The following AK4 variants were observed in gnomAD, a reference collection of about 807,000 sequenced individuals.
AK4 encodes the protein adenylate kinase 4, mitochondrial.
In AK4, 13 loss-of-function variants were observed where a neutral mutation model predicts 24.6. That is an observed-to-expected ratio of 0.53 (90% confidence interval 0.34 to 0.84). The LOEUF (loss-of-function observed/expected upper bound fraction) is 0.84. AK4 is among the 40% of genes least tolerant of loss of function. The pLI is 0.01. For missense variants in AK4, 192 were observed against 288.2 expected (o/e 0.67, Z 2.42); for synonymous variants, 88 against 107.0 (o/e 0.82, Z 1.10).
rs528760969 is a variant in AK4, at chr1:65,197,463, T to TTG, written c.265+6635_265+6636insGT. ...TTTTCATTGGTAATAATGATAACCT[T>TTG]TAGCACGAGAGTCATCATTTTGTCC... On this transcript the variant is annotated intron_variant, in intron 2 of 4. Transcript: ENST00000327299. Among the ~76,000 whole-genome samples, 105 of 152,358 alleles carry TTG rather than the reference T, an allele frequency of 6.9e-4. 2 individuals are homozygous for TTG. The highest frequency in any genetic ancestry group is 5.4e-3 in the East Asian group (28 of 5,188).
intron 1 of AK4, among the ~76,000 whole-genome samples, chr1:65,169,017 A>G (rs190733507): frequency 6.6e-6 from 1 of 152,228 alleles, no homozygotes; most frequent in Non-Finnish European, 1.5e-5. Context: ...GTCTACAAAA[A>G]TAAAAACAAT....
At position 65,218,869 on chromosome 1, in the gene AK4, G is replaced by T; in HGVS notation, c.381G>T (p.Trp127Cys). ...ETLKDRLSRR[W>C]IHPPSGRVYN... ...TTAAAGATCGTCTCAGCCGCCGTTG[G>T]ATTCACCCTCCTAGCGGAAGGGTAT... The change falls in exon 3 of 5, where the codon TGG (tryptophan) becomes TGT (cysteine). Residue 127 changes from tryptophan to cysteine, a missense_variant. By Grantham distance (215) the Trp-to-Cys change is radical. Coordinates refer to ENST00000327299, the MANE Select transcript of AK4 (RefSeq NM_013410.4). 6.2e-7 allele frequency: 1 copy of T among 1,610,230 alleles called. No individual in the cohort carries two copies. Among genetic ancestry groups the T allele is most frequent in the Non-Finnish European group, 8.5e-7 (1 of 1,178,258 alleles).
Position 65,174,848 on chromosome 1 carries a change from A to T in AK4, c.146-15862A>T, listed in dbSNP as rs141922429. ...CCAAGAATAATAATGGTACTACTTC[A>T]TACGGTTGTTGTAAGAATTAATTGA... is the stretch of plus-strand genomic sequence containing the variant. On this transcript the variant is annotated intron_variant, in intron 1 of 4. Coordinates refer to ENST00000327299, the MANE Select transcript of AK4 (RefSeq NM_013410.4). Among the ~76,000 whole-genome samples the T allele has an allele frequency of 1.2e-4, 19 of 152,354 alleles. No homozygotes were observed. The East Asian group carries it at 3.7e-3, about 29-fold the overall frequency.
chr1:65,168,518 C>T (rs1320186584), intron 1 of AK4, among the ~76,000 whole-genome samples: 1 of 152,110 alleles, frequency 6.6e-6, no homozygotes, highest in Non-Finnish European at 1.5e-5. Flanking sequence ...TCTTGAACTC[C>T]TGGCCTCAGG....
At chr1:65,191,289 G>A (rs1557454829) in intron 2 of AK4, among the ~76,000 whole-genome samples, 1 of 152,178 alleles carries the variant, frequency 6.6e-6, no homozygotes, top group Non-Finnish European at 1.5e-5. Flanking sequence ...AGAGCAGTTA[G>A]CATTATATAT....
intron 1 of AK4, among the ~76,000 whole-genome samples, chr1:65,172,084 T>TATATATATATATA (rs1650549955): frequency 8.7e-6 from 1 of 114,524 alleles, no homozygotes. Flanking sequence ...TATATATATA[T>TATATATATATATA]ATATATATAT....
At chr1:65,213,625 C>T (rs1652037499) in intron 2 of AK4, among the ~76,000 whole-genome samples, 1 of 152,242 alleles carries the variant, frequency 6.6e-6, no homozygotes, top group Non-Finnish European at 1.5e-5. Context: ...TTAATCAGCA[C>T]ACTCTCCATG....
intron 2 of AK4, among the ~76,000 whole-genome samples, chr1:65,211,874 A>T (rs1320668521): frequency 6.6e-6 from 1 of 152,242 alleles, no homozygotes; most frequent in African/African-American, 2.4e-5. Flanking sequence ...AAAGAAAATA[A>T]AGGGTGAATA....
At chr1:65,179,227 T>C (rs1021158910) in intron 1 of AK4, among the ~76,000 whole-genome samples, 2 of 152,226 alleles carry the variant, frequency 1.3e-5, no homozygotes, top group Non-Finnish European at 2.9e-5. Flanking sequence ...AGTCAGCAGC[T>C]CGGTTCTTTA....
chr1:65,178,580 A>G (rs1251692110), intron 1 of AK4, among the ~76,000 whole-genome samples: 3 of 152,214 alleles, frequency 2.0e-5, no homozygotes, highest in Admixed American at 2.0e-4. Flanking sequence ...CTCTCAAGGT[A>G]AGATAGGAGA....
At position 65,190,777 on chromosome 1, in the gene AK4, C is replaced by G; in HGVS notation, c.213C>G (p.Arg71=). Residue 71 remains arginine (R), a synonymous_variant, in exon 2 of 5, where the codon CGC becomes CGG. Transcript: ENST00000327299. ...SLLVPDHVIT[R]LMMSELENRR... is the part of the protein sequence containing the mutation. ...TGGTTCCAGACCATGTGATCACACG[C>G]CTAATGATGTCCGAGTTGGAGAACA... is the stretch of plus-strand genomic sequence containing the variant. The G allele has an allele frequency of 6.2e-7, 1 of 1,614,050 alleles. No individual in the cohort carries two copies. The highest frequency in any genetic ancestry group is 2.2e-5 in the East Asian group (1 of 44,884).
intron 1 of AK4, among the ~76,000 whole-genome samples, chr1:65,173,582 C>T (rs1194226408): frequency 6.6e-6 from 1 of 152,210 alleles, no homozygotes; most frequent in Non-Finnish European, 1.5e-5. Context: ...CTCCTTCTTT[C>T]CTTCTCCCAA....
chr1:65,154,308 AGCGCCTGCCTG>A (rs1447256424), intron 1 of AK4, among the ~76,000 whole-genome samples: 1 of 152,240 alleles, frequency 6.6e-6, no homozygotes, highest in African/African-American at 2.4e-5. Context: ...TTTTGCCCTG[AGCGCCTGCCTG>A]GGTGAATGTG....
At position 65,159,458 on chromosome 1, in the gene AK4, A is replaced by G. The variant is rs371219101; in HGVS notation, c.145+10906A>G. ...GATCACTTGAGCCCAGGAGTTAGAG[A>G]CCAGCCTGGGCAACATGGCAAGACC... On this transcript the variant is annotated intron_variant, in intron 1 of 4. Coordinates refer to ENST00000327299, the MANE Select transcript of AK4 (RefSeq NM_013410.4). 1.1e-4 allele frequency among the ~76,000 whole-genome samples: 17 copies of G among 151,282 alleles called. No individual in the cohort carries two copies. In the East Asian group the frequency reaches 2.2e-3, roughly 19 times the overall value.
At chr1:65,222,763 A>ATTTTAG (rs1652335818) in intron 3 of AK4, among the ~76,000 whole-genome samples, 1 of 152,208 alleles carries the variant, frequency 6.6e-6, no homozygotes. Flanking sequence ...CTGAGCTGTA[A>ATTTTAG]TGGAATTTTA....
At chr1:65,220,016 T>C (rs1387714080) in intron 3 of AK4, among the ~76,000 whole-genome samples, 1 of 152,250 alleles carries the variant, frequency 6.6e-6, no homozygotes, top group Non-Finnish European at 1.5e-5. Context: ...CTTATCAGAC[T>C]TGGCTCCTTT....
At chr1:65,179,764 G>A (rs983535773) in intron 1 of AK4, among the ~76,000 whole-genome samples, 1 of 152,102 alleles carries the variant, frequency 6.6e-6, no homozygotes, top group Admixed American at 6.5e-5. Context: ...GAGTCTGGGA[G>A]GTCAAGTGTG....
At chr1:65,169,752 AAGTC>A (rs1650447767) in intron 1 of AK4, among the ~76,000 whole-genome samples, 3 of 152,196 alleles carry the variant, frequency 2.0e-5, no homozygotes, top group African/African-American at 7.2e-5. Flanking sequence ...AAGTAAGACT[AAGTC>A]AGGCATATGT....
intron 1 of AK4, among the ~76,000 whole-genome samples, chr1:65,155,962 C>CCACA (rs141025369): frequency 2.7e-4 from 41 of 151,696 alleles, no homozygotes; most frequent in Admixed American, 2.5e-3. Context: ...GAGCCACCTT[C>CCACA]CACACACACA....
Sources: allele counts gnomAD v4.1 joint callset (sites outside exome capture counted in the v4.1 genomes callset), GRCh38; gene constraint gnomAD v4.1.1; transcripts MANE v1.5; gene names NCBI Gene and HGNC (gene_info 2026-07-23, HGNC 2026-07-21).